NDUFB8: variants seen among roughly 807,000 people sequenced by gnomAD.
NDUFB8 encodes NADH:ubiquinone oxidoreductase subunit B8.
Under a neutral mutation model 26.0 loss-of-function variants are expected in NDUFB8, and 17 were observed. That is an observed-to-expected ratio of 0.65 (90% CI 0.45 to 0.98). NDUFB8 has a LOEUF of 0.98. Ranked by LOEUF, NDUFB8 falls within the 50% of genes least tolerant of loss-of-function variation. NDUFB8 has a pLI of 0.00. For missense variants in NDUFB8, 238 were observed against 255.0 expected (o/e 0.93, Z 0.45); for synonymous variants, 89 against 93.1 (o/e 0.96, Z 0.25).
Position 100,526,982 on chromosome 10 carries a change from C to A in NDUFB8, c.305G>T (p.Gly102Val). ...WDQPGLRLNW[G>V]EPMHWHLDMY... The stretch of plus-strand genomic sequence containing the variant: ...GAGATATGGTTCTCTTACCGGTTCA[C>A]CCCAGTTCAACCTCAGGCCCGGCTG... The change falls in exon 3 of 5, where the codon GGT (glycine) becomes GTT (valine). Residue 102 changes from glycine (G) to valine (V), a missense_variant. Transcript: ENST00000299166. 1.2e-6 allele frequency: 2 copies of A among 1,613,800 alleles called. No individual in the cohort carries two copies. Among genetic ancestry groups the A allele is most frequent in the Non-Finnish European group, 1.7e-6 (2 of 1,179,694 alleles).
chr10:100,529,615 G>C (rs945337269), intron 1 of NDUFB8, 109 bp from the exon 2 acceptor site: 11 of 1,555,810 alleles, frequency 7.1e-6, no homozygotes, highest in Admixed American at 3.9e-5. Flanking sequence ...CGCAGGATCA[G>C]TGCGATCCTC....
Position 100,529,778 on chromosome 10 carries a change from C to T in NDUFB8, c.74G>A (p.Gly25Asp). 1 of 1,613,482 alleles carries T rather than the reference C, an allele frequency of 6.2e-7. No homozygotes were observed. Among genetic ancestry groups the T allele is most frequent in the Non-Finnish European group, 8.5e-7 (1 of 1,179,878 alleles). ...CCGTTCTCGCGGACCTGTCCGTGCG[C>T]CCAGCGGCATCACGTTCCGGGATGC... ...QRASRNVMPL[G>D]ARTASHMTKD... Residue 25 changes from glycine to aspartate, a missense_variant, in exon 1 of 5, where the codon GGC (glycine) becomes GAC (aspartate). Gly to Asp is a moderately conservative substitution (Grantham distance 94). Transcript: ENST00000299166.
At chr10:100,529,650 C>A in intron 1 of NDUFB8, 117 bp downstream of exon 1, 1 of 1,533,654 alleles carries the variant, frequency 6.5e-7, no homozygotes, top group Non-Finnish European at 8.9e-7. Context: ...GATATATCAA[C>A]GCCACCTCCA....
Position 100,526,221 on chromosome 10 carries a change from G to A in NDUFB8, c.468+178C>T, listed in dbSNP as rs913051386. The A allele has an allele frequency of 2.7e-5, 16 of 592,916 alleles. No homozygotes were observed. In the African/African-American group the frequency reaches 3.1e-4, roughly 12 times the overall value. 36.7% of individuals were successfully genotyped at this position (592,916 alleles called of 1,614,324 possible). A position where few individuals can be genotyped will look rare whatever the true frequency, so the allele number is the denominator to read the frequency against. ...CCAGACTGGTCCAAGAAGTAGGGGT[G>A]GAGAAGTGCTGTGGTACTTGTGGCA... On this transcript the variant is annotated intron_variant, in intron 4 of 4. Transcript: ENST00000299166.
intron 2 of NDUFB8, among the ~76,000 whole-genome samples, chr10:100,527,804 A>G (rs1367935028): frequency 6.6e-6 from 1 of 152,142 alleles, no homozygotes; most frequent in African/African-American, 2.4e-5. Context: ...TGCCCTATAC[A>G]TATGTACCAT....
chr10:100,529,739 CACTGAGGTCTCGCCCGTTCTCGCGG>C lies in NDUFB8; in HGVS notation c.85+3_85+27del. ...CCAAATTTCAGGTACCCCCTTCCCACACTGAGGTCTCGCCCGTTCTCGCGGACCTGTCCGTGCGCCCAGCGGCATC... is the reference window on the plus strand; with the variant it reads ...CCAAATTTCAGGTACCCCCTTCCCACACCTGTCCGTGCGCCCAGCGGCATC... On this transcript the variant is annotated splice_donor_5th_base_variant and intron_variant, in intron 1 of 4. Transcript: ENST00000299166. The C allele has an allele frequency of 3.1e-6, 5 of 1,608,576 alleles. No homozygotes were observed. In the South Asian group the frequency reaches 5.5e-5, roughly 18 times the overall value.
chr10:100,525,733 TGTGTGTGTGTGTGTGTGTGTGTGTGTG>T (rs1350702064), intron 4 of NDUFB8, among the ~76,000 whole-genome samples: 1 of 92,622 alleles, frequency 1.1e-5, no homozygotes, highest in Admixed American at 1.1e-4. Flanking sequence ...TGTGTGTGTG[TGTGTGTGTGTGTGTGTGTGTGTGTGTG>T]TGTGTTAGCA....
At chr10:100,525,059 C>G (rs1416970709) in intron 4 of NDUFB8, among the ~76,000 whole-genome samples, 1 of 152,166 alleles carries the variant, frequency 6.6e-6, no homozygotes, top group Non-Finnish European at 1.5e-5. Flanking sequence ...AGGTGCACAT[C>G]AGAATTACCT....
In NDUFB8 at chr10:100,524,216, T is replaced by G; in HGVS notation, c.469-287A>C. The G allele has an allele frequency of 7.8e-7, 1 of 1,285,078 alleles. No homozygotes were observed. The highest frequency in any genetic ancestry group is 1.1e-6 in the Non-Finnish European group (1 of 909,576). 79.6% of individuals were successfully genotyped at this position (1,285,078 alleles called of 1,614,324 possible). A position where few individuals can be genotyped will look rare whatever the true frequency, so the allele number is the denominator to read the frequency against. On this transcript the variant is annotated intron_variant, in intron 4 of 4. Coordinates refer to ENST00000299166, the MANE Select transcript of NDUFB8 (RefSeq NM_005004.4). This position sits in a 1 kb window ranked among gnomAD's most constrained non-coding sequence, Gnocchi z 4.0. ...GAAGGGAGGAAGACAGGGAGGGAGGTAAAGAAAGAGAGAAGAGTGTGTTAG... is the reference window on the plus strand; with the variant it reads ...GAAGGGAGGAAGACAGGGAGGGAGGGAAAGAAAGAGAGAAGAGTGTGTTAG...
intron 1 of NDUFB8, 42 bp downstream of exon 1, chr10:100,529,725 G>T (rs2133714770): frequency 1.3e-6 from 2 of 1,588,858 alleles, no homozygotes; most frequent in Non-Finnish European, 8.6e-7. Context: ...CAAATTTCAG[G>T]TACCCCCTTC....
rs1253685328 is a variant in NDUFB8, at chr10:100,529,433, C to T, written c.159G>A (p.Lys53=). 5 of 1,613,052 alleles carry T rather than the reference C, an allele frequency of 3.1e-6. No homozygotes were observed. Among genetic ancestry groups the T allele is most frequent in the African/African-American group, 1.3e-5 (1 of 74,836 alleles). Residue 53 remains lysine, a synonymous_variant, in exon 2 of 5, where the codon AAG becomes AAA. Transcript: ENST00000299166. Reference sequence around the variant, plus strand: ...AGTCTTCCACACGCATATTATACTTCTTGGCGGCGGCGGCCCGTTCTTCTG... The same window carrying T: ...AGTCTTCCACACGCATATTATACTTTTTGGCGGCGGCGGCCCGTTCTTCTG... ...RTPEERAAAA[K]KYNMRVEDYE... is the part of the protein sequence containing the mutation.
At chr10:100,526,242 T>C (rs1172251765) in intron 4 of NDUFB8, 157 bp downstream of exon 4, 2 of 741,414 alleles carry the variant, frequency 2.7e-6, no homozygotes, top group Admixed American at 7.7e-5. Context: ...GTGGTACTTG[T>C]GGCAGGCCAA....
intron 4 of NDUFB8, chr10:100,525,987 A>C (rs1852041767): frequency 1.3e-5 from 2 of 157,502 alleles, no homozygotes; most frequent in African/African-American, 4.8e-5. Flanking sequence ...TGCCTGTAGT[A>C]GACTCTTAAT....
Position 100,526,389 on chromosome 10 carries a change from G to A in NDUFB8, c.468+10C>T, listed in dbSNP as rs371213071. On this transcript the variant is annotated intron_variant, in intron 4 of 4. Transcript: ENST00000299166. ...AAGCGTGCCTAAGGGAGCACTTCTC[G>A]GATACTCACCACAGGCTGGTAGACA... The A allele has an allele frequency of 2.5e-5, 39 of 1,581,450 alleles. No homozygotes were observed. The highest frequency in any genetic ancestry group is 1.2e-4 in the African/African-American group (9 of 72,582).
chr10:100,529,105 A>G, intron 2 of NDUFB8: 1 of 293,738 alleles, frequency 3.4e-6, no homozygotes, highest in South Asian at 5.1e-5. Flanking sequence ...AGAGCCAAGG[A>G]AGGCTCCTGC....
rs1205269262 is a variant in NDUFB8 at position 100,529,835 on chromosome 10, G to A, written c.17C>T (p.Ala6Val). MAVAR[A>V]GVLGVQWLQR... is the part of the protein sequence containing the mutation. ...CAGCCACTGGACTCCCAAGACCCCGGCCCTGGCCACCGCCATCTTCACCTT... is the reference window on the plus strand; with the variant it reads ...CAGCCACTGGACTCCCAAGACCCCGACCCTGGCCACCGCCATCTTCACCTT... Residue 6 changes from alanine to valine, a missense_variant, in exon 1 of 5, where the codon GCC (alanine) becomes GTC (valine). Physicochemically the swap from Ala to Val is moderately conservative, Grantham distance 64. Coordinates refer to ENST00000299166, the MANE Select transcript of NDUFB8 (RefSeq NM_005004.4). 2 of 1,609,602 alleles carry A rather than the reference G, an allele frequency of 1.2e-6. No individual in the cohort carries two copies. Among genetic ancestry groups the A allele is most frequent in the South Asian group, 2.2e-5 (2 of 90,366 alleles).
At position 100,526,404 on chromosome 10, in the gene NDUFB8, G is replaced by A; in HGVS notation, c.463C>T (p.Pro155Ser). The change falls in exon 4 of 5, where the codon CCT (proline) becomes TCT (serine). Residue 155 changes from proline to serine, a missense_variant. Pro to Ser is a moderately conservative substitution (Grantham distance 74). Coordinates refer to ENST00000299166, the MANE Select transcript of NDUFB8 (RefSeq NM_005004.4). ...WVGDVYPVYQ[P>S]VGPKQYPYNN... ...AGCACTTCTCGGATACTCACCACAG[G>A]CTGGTAGACAGGGTACACGTCCCCC... The A allele has an allele frequency of 6.3e-7, 1 of 1,595,740 alleles. No homozygotes were observed. Among genetic ancestry groups the A allele is most frequent in the Non-Finnish European group, 8.5e-7 (1 of 1,175,082 alleles).
At chr10:100,526,131 A>C in intron 4 of NDUFB8, 1 of 333,920 alleles carries the variant, frequency 3.0e-6, no homozygotes. Context: ...CCAAATGGCA[A>C]CTCTGGTGAC....
In NDUFB8 at chr10:100,529,775, G is replaced by A; in HGVS notation, c.77C>T (p.Ala26Val). 6.2e-7 allele frequency: 1 copy of A among 1,613,220 alleles called. No individual in the cohort carries two copies. Among genetic ancestry groups the A allele is most frequent in the Non-Finnish European group, 8.5e-7 (1 of 1,179,822 alleles). Reference protein sequence around the residue: ...RASRNVMPLGARTASHMTKDM... With the variant: ...RASRNVMPLGVRTASHMTKDM... Reference sequence around the variant, plus strand: ...CGCCCGTTCTCGCGGACCTGTCCGTGCGCCCAGCGGCATCACGTTCCGGGA... The same window carrying A: ...CGCCCGTTCTCGCGGACCTGTCCGTACGCCCAGCGGCATCACGTTCCGGGA... Residue 26 changes from alanine to valine, a missense_variant, in exon 1 of 5, where the codon GCA becomes GTA. Physicochemically the swap from Ala to Val is moderately conservative, Grantham distance 64 (BLOSUM62 0). Coordinates refer to ENST00000299166, the MANE Select transcript of NDUFB8 (RefSeq NM_005004.4).
Sources: allele counts gnomAD v4.1 joint callset (sites outside exome capture counted in the v4.1 genomes callset), GRCh38; gene constraint gnomAD v4.1.1; non-coding constraint Gnocchi (gnomAD v3.1); transcripts MANE v1.5; gene names NCBI Gene and HGNC (gene_info 2026-07-23, HGNC 2026-07-21).